ABL1: variants seen among roughly 807,000 people sequenced by gnomAD.
The protein encoded by ABL1 is ABL proto-oncogene 1, non-receptor tyrosine kinase.
A neutral mutation model predicts 94.7 loss-of-function variants in ABL1; 11 were observed. The observed-to-expected ratio is 0.12, with a 90% CI of 0.07 to 0.19. The LOEUF (loss-of-function observed/expected upper bound fraction) is 0.19, where lower values mean the gene tolerates loss of function less well. Ranked by LOEUF, ABL1 falls within the 10% of genes least tolerant of loss-of-function variation. The probability of loss-of-function intolerance (pLI) is 1.00; values close to 1 mark genes in which losing one functional copy is unlikely to be tolerated. For synonymous variants in ABL1, 656 were observed against 622.4 expected (o/e 1.05, Z -0.80); for missense variants, 1,082 against 1,489.4 (o/e 0.73, Z 4.50).
rs766916757 is a variant in ABL1, at chr9:130,883,973, T to C, written c.1683T>C (p.Pro561=). ...PHSKGQGESD[P]LDHEPAVSPL... ...GCTCTTCCCCTTGCGTTTCAGATCCTCTGGACCATGAGCCTGCCGTGTCTC... is the reference window on the plus strand; with the variant it reads ...GCTCTTCCCCTTGCGTTTCAGATCCCCTGGACCATGAGCCTGCCGTGTCTC... Residue 561 remains proline (P), a synonymous_variant, in exon 11 of 11, where the codon CCT becomes CCC. Coordinates refer to ENST00000318560, the MANE Select transcript of ABL1 (RefSeq NM_005157.6). The C allele has an allele frequency of 6.2e-6, 10 of 1,610,932 alleles. No homozygotes were observed. Among genetic ancestry groups the C allele is most frequent in the Non-Finnish European group, 8.5e-6 (10 of 1,178,976 alleles).
chr9:130,884,405 C>A lies in ABL1; in HGVS notation c.2115C>A (p.Gly705=). The change falls in exon 11 of 11, where the codon GGC becomes GGA. Residue 705 remains glycine (G), a synonymous_variant. Transcript: ENST00000318560. This position sits in a 1 kb window ranked among gnomAD's most constrained non-coding sequence, Gnocchi z 5.6. ...GCCTAGCCACCGGCGAGGAGGAGGG[C>A]GGTGGCAGCTCCAGCAAGCGCTTCC... ...SSRLATGEEE[G]GGSSSKRFLR... The A allele has an allele frequency of 4.3e-6, 7 of 1,611,930 alleles. No individual in the cohort carries two copies. The highest frequency in any genetic ancestry group is 5.9e-6 in the Non-Finnish European group (7 of 1,179,810).
At chr9:130,849,387 G>A (rs962053621) in intron 1 of ABL1, among the ~76,000 whole-genome samples, 1 of 152,146 alleles carries the variant, frequency 6.6e-6, no homozygotes, top group Non-Finnish European at 1.5e-5. Flanking sequence ...CATTGTATGA[G>A]AGTGCCCGTT....
In ABL1 at chr9:130,877,869, C is replaced by T. The variant is rs181818824; in HGVS notation, c.1271-546C>T. On this transcript the variant is annotated intron_variant, in intron 7 of 10. Coordinates refer to ENST00000318560, the MANE Select transcript of ABL1 (RefSeq NM_005157.6). ...TCACCCAGCCTGGAGTGCAGTGGCGCGATCTTGATCTTGGCTCACTGCAAG... is the reference window on the plus strand; with the variant it reads ...TCACCCAGCCTGGAGTGCAGTGGCGTGATCTTGATCTTGGCTCACTGCAAG... Among the ~76,000 whole-genome samples, 3 of 150,004 alleles carry T rather than the reference C, an allele frequency of 2.0e-5. 1 individual carries two copies. The highest frequency in any genetic ancestry group is 2.0e-4 in the East Asian group (1 of 5,096).
intron 1 of ABL1, among the ~76,000 whole-genome samples, chr9:130,838,524 C>T (rs76753997): frequency 1.4e-4 from 21 of 152,256 alleles, no homozygotes; most frequent in Non-Finnish European, 2.9e-4. Context: ...GAGGCAATCA[C>T]CCTGGAGTTT....
At chr9:130,853,989 C>T in intron 1 of ABL1, 75 bp from the exon 2 acceptor site, 4 of 1,465,686 alleles carry the variant, frequency 2.7e-6, no homozygotes, top group Non-Finnish European at 3.7e-6. Context: ...ATTTTTGCTT[C>T]TGAGAATAAA....
At chr9:130,812,478 C>T (rs1293622942) in intron 1 of ABL1, among the ~76,000 whole-genome samples, 1 of 151,828 alleles carries the variant, frequency 6.6e-6, no homozygotes, top group African/African-American at 2.4e-5. Context: ...AATACAAATA[C>T]GTTAAAAGCA....
At chr9:130,828,596 T>A (rs1423346545) in intron 1 of ABL1, among the ~76,000 whole-genome samples, 4 of 151,822 alleles carry the variant, frequency 2.6e-5, no homozygotes, top group Non-Finnish European at 4.4e-5. Context: ...AATTAGAAAC[T>A]CTCGGGAGGC....
chr9:130,741,280 G>A (rs1381108519), intron 1 of ABL1, among the ~76,000 whole-genome samples: 1 of 152,186 alleles, frequency 6.6e-6, no homozygotes, highest in Non-Finnish European at 1.5e-5. Context: ...GAGAGGAGCA[G>A]GAATACCAGT....
In ABL1 at chr9:130,884,321, G is replaced by C. The variant is rs1200313679; in HGVS notation, c.2031G>C (p.Gly677=). Residue 677 remains glycine, a synonymous_variant, in exon 11 of 11, where the codon GGG becomes GGC. Transcript: ENST00000318560. This position sits in a 1 kb window ranked among gnomAD's most constrained non-coding sequence, Gnocchi z 5.6. ...CCAATGGAGCCCTCCGGGAGTCCGG[G>C]GGCTCAGGCTTCCGGTCTCCCCACC... The part of the protein sequence containing the change: ...GVPNGALRES[G]GSGFRSPHLW... 1.5e-5 allele frequency: 24 copies of C among 1,611,708 alleles called. No homozygotes were observed. The highest frequency in any genetic ancestry group is 3.3e-5 in the Admixed American group (2 of 59,884).
rs1831940755 is a variant in ABL1, at chr9:130,750,217, A to ATC, written c.136+35763_136+35764insCT. On this transcript the variant is annotated intron_variant, in intron 1 of 10. Coordinates refer to the ABL1 transcript ENST00000372348. ...CATATATATATATATATATATATAT[A>ATC]TATATATATATATATATATCCAAGT... Among the ~76,000 whole-genome samples the ATC allele has an allele frequency of 3.8e-5, 5 of 130,820 alleles. No individual in the cohort carries two copies. In the South Asian group the frequency reaches 1.2e-3, roughly 31 times the overall value. The allele number at this position is 130,820 out of a possible 152,430, so 85.8% of individuals were successfully genotyped here.
chr9:130,724,122 T>G (rs549527888), intron 1 of ABL1, among the ~76,000 whole-genome samples: 2 of 152,234 alleles, frequency 1.3e-5, no homozygotes, highest in Non-Finnish European at 2.9e-5. Flanking sequence ...TTAAAAAAAT[T>G]TTTAAGAGAT....
chr9:130,786,294 A>G (rs776184944), intron 1 of ABL1, among the ~76,000 whole-genome samples: 4 of 152,172 alleles, frequency 2.6e-5, no homozygotes, highest in Non-Finnish European at 5.9e-5. Flanking sequence ...GGTAGGAGAA[A>G]TATTGGCTCT....
In ABL1 at chr9:130,801,266, A is replaced by G. The variant is rs1324352930; in HGVS notation, c.137-52798A>G. Among the ~76,000 whole-genome samples the G allele has an allele frequency of 3.4e-5, 5 of 146,900 alleles. No individual in the cohort carries two copies. The East Asian group carries it at 6.1e-4, about 18-fold the overall frequency. ...TTTTTTTGAGATAGGATCTTGCTCA[A>G]TCATGCAGGCTGGAGTGCAGTGGCA... On this transcript the variant is annotated intron_variant, in intron 1 of 10. Transcript: ENST00000372348.
At chr9:130,719,496 A>G (rs1831488884) in intron 1 of ABL1, among the ~76,000 whole-genome samples, 1 of 152,118 alleles carries the variant, frequency 6.6e-6, no homozygotes. Flanking sequence ...ACGCCACTGC[A>G]CTCCCAGCCT....
At chr9:130,842,872 C>T (rs1197438185) in intron 1 of ABL1, among the ~76,000 whole-genome samples, 2 of 152,148 alleles carry the variant, frequency 1.3e-5, no homozygotes, top group African/African-American at 2.4e-5. Context: ...AGGTGTCCGG[C>T]GAGCTCACTG....
intron 1 of ABL1, among the ~76,000 whole-genome samples, chr9:130,818,230 G>A (rs995420657): frequency 2.6e-5 from 4 of 152,212 alleles, no homozygotes; most frequent in African/African-American, 9.6e-5. Flanking sequence ...AGCACTTTGA[G>A]AGACCGAGGA....
At chr9:130,834,594 CAG>C (rs1345048694), upstream of ABL1, among the ~76,000 whole-genome samples, 1 of 152,236 alleles carries the variant, frequency 6.6e-6, no homozygotes, top group Non-Finnish European at 1.5e-5. Context: ...GAAAATGAAT[CAG>C]AGAAGAGGCC....
At position 130,835,432 on chromosome 9, in the gene ABL1, T is replaced by TC. The variant is rs11433463; in HGVS notation, c.-15_-14insC. 1,529,583 of 1,529,594 alleles carry TC rather than the reference T, an allele frequency of 1. 764,786 individuals are homozygous for TC. The highest frequency in any genetic ancestry group is 1 in the Middle Eastern group (5,160 of 5,160). 94.8% of individuals were successfully genotyped at this position (1,529,594 alleles called of 1,614,324 possible). A position where few individuals can be genotyped will look rare whatever the true frequency, so the allele number is the denominator to read the frequency against. On this transcript the variant is annotated 5_prime_UTR_variant, in exon 1 of 11. Coordinates refer to ENST00000318560, the MANE Select transcript of ABL1 (RefSeq NM_005157.6). The surrounding 1 kb of genome is among the most constrained non-coding windows in gnomAD (Gnocchi z 4.6). ...GGGAGAGGGGTTCCGGCCCCCGACG[T>TC]GCTGGCGCGGGAAAATGTTGGAGAT... is the stretch of plus-strand genomic sequence containing the variant.
Position 130,763,672 on chromosome 9 carries a change from C to T in ABL1, c.136+49217C>T, listed in dbSNP as rs927570556. Among the ~76,000 whole-genome samples the T allele has an allele frequency of 6.6e-5, 10 of 152,356 alleles. No individual in the cohort carries two copies. In the East Asian group the frequency reaches 1.7e-3, roughly 26 times the overall value. On this transcript the variant is annotated intron_variant, in intron 1 of 10. Transcript: ENST00000372348. Reference sequence around the variant, plus strand: ...GTTCCTTGCCACACGGACCTCTCCACATGCTTCTTGCGTGTCCTCACAACA... The same window carrying T: ...GTTCCTTGCCACACGGACCTCTCCATATGCTTCTTGCGTGTCCTCACAACA...
Sources: gnomAD v4.1 joint callset for allele counts (sites outside exome capture counted in the v4.1 genomes callset) on GRCh38, gnomAD v4.1.1 for gene constraint, Gnocchi (gnomAD v3.1) non-coding constraint, MANE v1.5 for transcripts, NCBI Gene and HGNC (gene_info 2026-07-23, HGNC 2026-07-21) for gene names.